TMEM143: variants seen among roughly 807,000 people sequenced by gnomAD.
The protein encoded by TMEM143 is transmembrane protein 143.
A neutral mutation model predicts 40.3 loss-of-function variants in TMEM143; 45 were observed. The observed-to-expected ratio is 1.12, with a 90% CI of 0.88 to 1.43. TMEM143 has a LOEUF of 1.43. Ranked by LOEUF, TMEM143 falls within the 40% of genes most tolerant of loss-of-function variation. The pLI is 0.00. For synonymous variants in TMEM143, 299 were observed against 282.7 expected (o/e 1.06, Z -0.58); for missense variants, 620 against 613.4 (o/e 1.01, Z -0.11).
In TMEM143 at chr19:48,334,006, A is replaced by G; in HGVS notation, c.1165+2T>C. The G allele has an allele frequency of 6.5e-7, 1 of 1,541,406 alleles. No individual in the cohort carries two copies. On this transcript the variant is annotated splice_donor_variant, in intron 7 of 7. Coordinates refer to ENST00000293261, the MANE Select transcript of TMEM143 (RefSeq NM_018273.4). LOFTEE classifies it high-confidence loss of function. The stretch of plus-strand genomic sequence containing the variant: ...GGGCAGGGTCCCAGGGCCACGTCCT[A>G]CCTTCGGGCGAGCCTTGAGTGCCCC...
chr19:48,358,641 C>A (rs1439570014), intron 3 of TMEM143, among the ~76,000 whole-genome samples: 1 of 152,130 alleles, frequency 6.6e-6, no homozygotes, highest in East Asian at 1.9e-4. Context: ...CTGATGCCTT[C>A]CAACATAACC....
intron 3 of TMEM143, among the ~76,000 whole-genome samples, chr19:48,345,849 A>G (rs1176553995): frequency 7.3e-6 from 1 of 137,838 alleles, no homozygotes; most frequent in African/African-American, 2.7e-5. Context: ...CAGTGGCACA[A>G]TCTCAGCTCA....
rs781227617 is a variant in TMEM143 at position 48,342,592 on chromosome 19, T to C, written c.913A>G (p.Lys305Glu). ...AGCAGCAGCAGGGAGGTGGCCACCT[T>C]GAGGTCGGTTAGCACCACCATGCCC... Reference protein sequence around the residue: ...NVGMVVLTDLKVATSLLLLLF... With the variant: ...NVGMVVLTDLEVATSLLLLLF... Residue 305 changes from lysine (K) to glutamate (E), a missense_variant, in exon 6 of 8, where the codon AAG becomes GAG. Physicochemically the swap from Lys to Glu is moderately conservative, Grantham distance 56. Transcript: ENST00000293261. 1 of 1,613,336 alleles carries C rather than the reference T, an allele frequency of 6.2e-7. No homozygotes were observed. Among genetic ancestry groups the C allele is most frequent in the Non-Finnish European group, 8.5e-7 (1 of 1,179,944 alleles).
At chr19:48,357,966 G>T (rs890359273) in intron 3 of TMEM143, among the ~76,000 whole-genome samples, 4 of 152,010 alleles carry the variant, frequency 2.6e-5, no homozygotes, top group Admixed American at 6.6e-5. Context: ...ACTACATATT[G>T]GGTATAGTGT....
At chr19:48,341,443 G>C (rs558112186) in intron 6 of TMEM143, among the ~76,000 whole-genome samples, 1 of 152,178 alleles carries the variant, frequency 6.6e-6, no homozygotes, top group Non-Finnish European at 1.5e-5. Flanking sequence ...ACTAGGACTG[G>C]AGCCCAGGAG....
At chr19:48,345,048 G>A (rs981646749) in intron 4 of TMEM143, 112 bp downstream of exon 4, 7 of 1,176,620 alleles carry the variant, frequency 5.9e-6, no homozygotes, top group Admixed American at 2.7e-5. Context: ...TGCGCCATAT[G>A]GGCCACAGTC....
rs1390047250 is a variant in TMEM143 at position 48,333,274 on chromosome 19, A to G, written c.1325T>C (p.Val442Ala). The change falls in exon 8 of 8, where the codon GTG (valine) becomes GCG (alanine). Residue 442 changes from valine (V) to alanine (A), a missense_variant. Physicochemically the swap from Val to Ala is moderately conservative, Grantham distance 64. Coordinates refer to ENST00000293261, the MANE Select transcript of TMEM143 (RefSeq NM_018273.4). The surrounding 1 kb of genome is among the most constrained non-coding windows in gnomAD (Gnocchi z 4.1). Reference protein sequence around the residue: ...PPPGFPKLDPVAPITSEPPQA... With the variant: ...PPPGFPKLDPAAPITSEPPQA... ...CGGGGGCTCGGAAGTGATCGGAGCCACTGGGTCTAGTTTGGGGAAACCCGG... is the reference window on the plus strand; with the variant it reads ...CGGGGGCTCGGAAGTGATCGGAGCCGCTGGGTCTAGTTTGGGGAAACCCGG... The G allele has an allele frequency of 6.5e-7, 1 of 1,550,112 alleles. No individual in the cohort carries two copies. The highest frequency in any genetic ancestry group is 1.4e-5 in the African/African-American group (1 of 73,724).
chr19:48,350,621 A>G (rs1969744971), intron 3 of TMEM143, among the ~76,000 whole-genome samples: 1 of 152,084 alleles, frequency 6.6e-6, no homozygotes, highest in Non-Finnish European at 1.5e-5. Flanking sequence ...AACATCTGCT[A>G]AAAGAATGAC....
intron 3 of TMEM143, among the ~76,000 whole-genome samples, chr19:48,348,365 A>C: frequency 6.6e-6 from 1 of 151,974 alleles, no homozygotes; most frequent in East Asian, 1.9e-4. Context: ...AGCAGACCGC[A>C]CTTCACCCAG....
intron 3 of TMEM143, among the ~76,000 whole-genome samples, chr19:48,350,947 A>T (rs917009675): frequency 3.8e-5 from 5 of 131,772 alleles, no homozygotes; most frequent in South Asian, 4.9e-4. Flanking sequence ...AAAAAAAAAG[A>T]ATGACTTAAT....
At chr19:48,355,423 G>C (rs1419239202) in intron 3 of TMEM143, among the ~76,000 whole-genome samples, 1 of 152,136 alleles carries the variant, frequency 6.6e-6, no homozygotes, top group African/African-American at 2.4e-5. Context: ...GGCAGACGGG[G>C]GCTTGATCTC....
rs890725663 is a variant in TMEM143, at chr19:48,333,338, G to A, written c.1261C>T (p.Leu421=). The change falls in exon 8 of 8, where the codon CTG becomes TTG. Residue 421 remains leucine, a synonymous_variant. Transcript: ENST00000293261. The surrounding 1 kb of genome is among the most constrained non-coding windows in gnomAD (Gnocchi z 4.1). Reference sequence around the variant, plus strand: ...CCCATGCTGGGGGTCAGGGCCTGCAGATGCGCCAGGGCCCGAGTTCCGTTG... The same window carrying A: ...CCCATGCTGGGGGTCAGGGCCTGCAAATGCGCCAGGGCCCGAGTTCCGTTG... ...TFNGTRALAH[L]QALTPSMGLY... 3 of 1,610,310 alleles carry A rather than the reference G, an allele frequency of 1.9e-6. No homozygotes were observed. Among genetic ancestry groups the A allele is most frequent in the African/African-American group, 1.3e-5 (1 of 75,014 alleles).
chr19:48,362,128 TTG>T (rs1456844328), intron 2 of TMEM143, among the ~76,000 whole-genome samples: 3 of 152,124 alleles, frequency 2.0e-5, no homozygotes, highest in African/African-American at 4.8e-5. Flanking sequence ...ATTTGTGTAT[TTG>T]TGTGTGTACT....
At chr19:48,349,766 T>C (rs973778116) in intron 3 of TMEM143, among the ~76,000 whole-genome samples, 1 of 152,040 alleles carries the variant, frequency 6.6e-6, no homozygotes, top group African/African-American at 2.4e-5. Flanking sequence ...AGGGCAGACC[T>C]GTCCATTTAT....
chr19:48,363,275 C>A lies in TMEM143; in HGVS notation c.264+16G>T, dbSNP rs780670984. The A allele has an allele frequency of 6.2e-7, 1 of 1,606,764 alleles. No individual in the cohort carries two copies. Among genetic ancestry groups the A allele is most frequent in the Non-Finnish European group, 8.5e-7 (1 of 1,176,064 alleles). ...AGCCGTAGTCCCCAGGCTCTTGGGC[C>A]TGGGACAGGCGGTACCTGTATTAGG... On this transcript the variant is annotated intron_variant, in intron 2 of 7. Transcript: ENST00000293261.
rs1171680476 is a variant in TMEM143 at position 48,334,257 on chromosome 19, C to A, written c.976-60G>T. On this transcript the variant is annotated intron_variant, in intron 6 of 7. Coordinates refer to ENST00000293261, the MANE Select transcript of TMEM143 (RefSeq NM_018273.4). ...GGGGTGCGCCCCCACCCATACACAG[C>A]CCCCGGGGTCACCCCCGCTGGCACG... 14 of 1,492,392 alleles carry A rather than the reference C, an allele frequency of 9.4e-6. 1 individual carries two copies. The highest frequency in any genetic ancestry group is 2.8e-5 in the African/African-American group (2 of 72,198). 92.4% of individuals were successfully genotyped at this position (1,492,392 alleles called of 1,614,324 possible).
At position 48,345,276 on chromosome 19, in the gene TMEM143, C is replaced by T. The variant is rs780915195; in HGVS notation, c.448G>A (p.Glu150Lys). 6 of 1,611,128 alleles carry T rather than the reference C, an allele frequency of 3.7e-6. No individual in the cohort carries two copies. In the South Asian group the frequency reaches 5.5e-5, roughly 15 times the overall value. The change falls in exon 4 of 8, where the codon GAG becomes AAG. Residue 150 changes from glutamate to lysine, a missense_variant. Physicochemically the swap from Glu to Lys is moderately conservative, Grantham distance 56. Transcript: ENST00000293261. ...TCCAGAGCCCGAAGCACCTCCTGCT[C>T]ATTAGACAGACGCTGGGGATCCGTT... ...SLTDPQRLSNEQEVLRALEPL... is the reference protein window; with the variant it reads ...SLTDPQRLSNKQEVLRALEPL...
chr19:48,357,185 G>A (rs965181210), intron 3 of TMEM143, among the ~76,000 whole-genome samples: 11 of 151,524 alleles, frequency 7.3e-5, no homozygotes, highest in Admixed American at 5.3e-4. Flanking sequence ...TCGAACTCCT[G>A]ACTTCAGCTG....
chr19:48,344,000 C>G (rs1298132145), intron 4 of TMEM143, among the ~76,000 whole-genome samples: 1 of 152,114 alleles, frequency 6.6e-6, no homozygotes, highest in African/African-American at 2.4e-5. Context: ...GATTCTCGTG[C>G]CTCAGCCTCC....
Sources: gnomAD v4.1 joint callset for allele counts (sites outside exome capture counted in the v4.1 genomes callset) on GRCh38, gnomAD v4.1.1 for gene constraint, Gnocchi (gnomAD v3.1) non-coding constraint, MANE v1.5 for transcripts, NCBI Gene and HGNC (gene_info 2026-07-23, HGNC 2026-07-21) for gene names.